ANKRD12: variants seen among roughly 807,000 people sequenced by gnomAD.
ANKRD12 encodes ankyrin repeat domain-containing protein 12.
Under a neutral mutation model 183.4 loss-of-function variants are expected in ANKRD12, and 85 were observed. That is an observed-to-expected ratio of 0.46 (90% CI 0.39 to 0.56). ANKRD12 has a LOEUF of 0.56. ANKRD12 is among the 20% of genes least tolerant of loss of function. ANKRD12 has a pLI of 0.00. For synonymous variants in ANKRD12, 914 were observed against 800.2 expected (o/e 1.14, Z -2.40); for missense variants, 2,405 against 2,357.1 (o/e 1.02, Z -0.42).
chr18:9,207,813 C>G (rs1174979491), intron 4 of ANKRD12, among the ~76,000 whole-genome samples: 1 of 152,114 alleles, frequency 6.6e-6, no homozygotes, highest in Non-Finnish European at 1.5e-5. Context: ...ATAGCCAGAC[C>G]TCTGCATTTG....
chr18:9,196,189 T>TACACACACACAC (rs34220366), intron 3 of ANKRD12, among the ~76,000 whole-genome samples: 1,735 of 51,604 alleles, frequency 0.034, 21 homozygotes, highest in African/African-American at 0.053. Flanking sequence ...ATAGAATTTT[T>TACACACACACAC]ACACACACAC....
rs2040195828 is a variant in ANKRD12, at chr18:9,285,205, T to C, written c.*4079T>C. ...GCCTGGGCGACAGAGCGAGACTCCG[T>C]CTCAAAAAAAAAAAAAAAGAAAGAA... On this transcript the variant is annotated 3_prime_UTR_variant, in exon 13 of 13. Coordinates refer to ENST00000262126, the MANE Select transcript of ANKRD12 (RefSeq NM_015208.5). 2 of 137,344 alleles carry C rather than the reference T, an allele frequency of 1.5e-5. No homozygotes were observed. The highest frequency in any genetic ancestry group is 2.8e-5 in the African/African-American group (1 of 36,344). 8.5% of individuals were successfully genotyped at this position (137,344 alleles called of 1,614,324 possible).
intron 8 of ANKRD12, among the ~76,000 whole-genome samples, chr18:9,236,415 AC>A (rs2037348217): frequency 1.8e-5 from 1 of 55,044 alleles, no homozygotes; most frequent in South Asian, 8.3e-4. Flanking sequence ...TTCAACAACA[AC>A]AAAAAATGGG....
At chr18:9,183,405 C>T (rs2033839110) in intron 2 of ANKRD12, among the ~76,000 whole-genome samples, 1 of 152,048 alleles carries the variant, frequency 6.6e-6, no homozygotes, top group South Asian at 2.1e-4. Context: ...TTACTTAGAT[C>T]TTCAATTTGT....
At chr18:9,259,428 C>T (rs1275441034) in intron 9 of ANKRD12, 1 of 150,238 alleles carries the variant, frequency 6.7e-6, no homozygotes, top group Non-Finnish European at 1.5e-5. Context: ...ATGTGTTTAA[C>T]ATAGACACAT....
chr18:9,200,878 C>T (rs2035124334), intron 3 of ANKRD12, among the ~76,000 whole-genome samples: 1 of 152,214 alleles, frequency 6.6e-6, no homozygotes, highest in Non-Finnish European at 1.5e-5. Flanking sequence ...AGGCACTGAT[C>T]TCTTTTCATC....
At chr18:9,198,349 A>G (rs1482877996) in intron 3 of ANKRD12, among the ~76,000 whole-genome samples, 1 of 145,172 alleles carries the variant, frequency 6.9e-6, no homozygotes, top group Non-Finnish European at 1.5e-5. Context: ...ATACATCAAT[A>G]GTAATCAAGA....
intron 8 of ANKRD12, among the ~76,000 whole-genome samples, chr18:9,231,303 A>G (rs2037030816): frequency 6.6e-6 from 1 of 151,676 alleles, no homozygotes; most frequent in Admixed American, 6.6e-5. Flanking sequence ...GTGTTTCTTT[A>G]TTTTCTATCT....
At chr18:9,163,596 A>G (rs2031700482) in intron 1 of ANKRD12, among the ~76,000 whole-genome samples, 1 of 152,182 alleles carries the variant, frequency 6.6e-6, no homozygotes, top group South Asian at 2.1e-4. Flanking sequence ...TAATGGGAAT[A>G]GCATTGAATC....
At chr18:9,187,762 G>A (rs1242156287) in intron 2 of ANKRD12, among the ~76,000 whole-genome samples, 2 of 152,112 alleles carry the variant, frequency 1.3e-5, no homozygotes, top group African/African-American at 4.8e-5. Flanking sequence ...TTGCAAAGCA[G>A]AATCTTTTAT....
chr18:9,205,753 T>C (rs2035451678), intron 4 of ANKRD12, among the ~76,000 whole-genome samples: 1 of 152,248 alleles, frequency 6.6e-6, no homozygotes, highest in African/African-American at 2.4e-5. Flanking sequence ...AATTTTTTTT[T>C]CAGAATTGAA....
Position 9,256,283 on chromosome 18 carries a change from G to C in ANKRD12, c.3016G>C (p.Asp1006His), listed in dbSNP as rs935394004. The C allele has an allele frequency of 6.2e-7, 1 of 1,605,246 alleles. No individual in the cohort carries two copies. The highest frequency in any genetic ancestry group is 1.3e-5 in the African/African-American group (1 of 74,094). ...CTTATCCCTTAAAGAAAAAACAAAA[G>C]ATGAACCTTTGAAAACTCCAGATGG... ...KPLSLKEKTK[D>H]EPLKTPDGKE... Residue 1006 changes from aspartate (D) to histidine (H), a missense_variant, in exon 9 of 13, where the codon GAT (aspartate) becomes CAT (histidine). Transcript: ENST00000262126.
intron 8 of ANKRD12, among the ~76,000 whole-genome samples, chr18:9,246,459 A>G (rs1005691711): frequency 2.0e-5 from 3 of 152,134 alleles, no homozygotes; most frequent in Admixed American, 2.0e-4. Context: ...CTGCCCATGA[A>G]AAGTTTATAT....
At chr18:9,138,226 T>C (rs1405514271) in intron 1 of ANKRD12, among the ~76,000 whole-genome samples, 1 of 152,066 alleles carries the variant, frequency 6.6e-6, no homozygotes, top group African/African-American at 2.4e-5. Flanking sequence ...TAAAAACATA[T>C]GCACAGCCGG....
At chr18:9,208,901 TTC>T (rs1380773564) in intron 5 of ANKRD12, 98 bp downstream of exon 5, 2 of 1,192,264 alleles carry the variant, frequency 1.7e-6, no homozygotes, top group East Asian at 5.2e-5. Context: ...TTAATTTTTA[TTC>T]TTTCTTGGAT....
intron 8 of ANKRD12, 21 bp downstream of exon 8, chr18:9,222,020 A>G (rs1318490008): frequency 1.9e-6 from 3 of 1,610,530 alleles, no homozygotes; most frequent in East Asian, 4.5e-5. Flanking sequence ...GATAATCTAC[A>G]TTCATCTGTT....
chr18:9,234,819 G>A (rs2037252808), intron 8 of ANKRD12, among the ~76,000 whole-genome samples: 1 of 152,162 alleles, frequency 6.6e-6, no homozygotes, highest in African/African-American at 2.4e-5. Context: ...ACTAGTTTCA[G>A]GGTTGGTATG....
Position 9,254,789 on chromosome 18 carries a change from G to C in ANKRD12, c.1522G>C (p.Gly508Arg). The C allele has an allele frequency of 6.7e-7, 1 of 1,488,440 alleles. No individual in the cohort carries two copies. The highest frequency in any genetic ancestry group is 8.9e-7 in the Non-Finnish European group (1 of 1,122,358). The allele number at this position is 1,488,440 out of a possible 1,614,324, so 92.2% of individuals were successfully genotyped here. A position where few individuals can be genotyped will look rare whatever the true frequency, so the allele number is the denominator to read the frequency against. Residue 508 changes from glycine (G) to arginine (R), a missense_variant, in exon 9 of 13, where the codon GGA becomes CGA. By Grantham distance (125) the Gly-to-Arg change is moderately radical. This residue lies in a region of ANKRD12 where 1,983 missense variants were observed against 1,725.9 expected (regional missense o/e 1.15). Transcript: ENST00000262126. Reference protein sequence around the residue: ...TRITNLTVNTGLDCSEKTREE... With the variant: ...TRITNLTVNTRLDCSEKTREE... ...AATAACAAACTTGACAGTAAATACT[G>C]GACTAGATTGTTCAGAAAAGACCAG...
chr18:9,162,096 A>G (rs2143795655), intron 1 of ANKRD12, among the ~76,000 whole-genome samples: 1 of 152,190 alleles, frequency 6.6e-6, no homozygotes. Context: ...TTACCTAGGT[A>G]AACATATGCC....
Sources: gnomAD v4.1 joint callset for allele counts (sites outside exome capture counted in the v4.1 genomes callset) on GRCh38, gnomAD v4.1.1 for gene constraint, gnomAD v4.1.1 regional missense constraint, MANE v1.5 for transcripts, NCBI Gene and HGNC (gene_info 2026-07-23, HGNC 2026-07-21) for gene names.